The following RNF128 variants were observed in gnomAD, a reference collection of about 807,000 sequenced individuals.
The protein encoded by RNF128 is ring finger protein 128, also known as E3 ubiquitin-protein ligase RNF128.
A neutral mutation model predicts 26.2 loss-of-function variants in RNF128; 13 were observed. That is an observed-to-expected ratio of 0.50 (90% CI 0.32 to 0.79). The LOEUF (loss-of-function observed/expected upper bound fraction) is 0.79, where lower values mean the gene tolerates loss of function less well. Ranked by LOEUF, RNF128 falls within the 30% of genes least tolerant of loss-of-function variation. The probability of loss-of-function intolerance (pLI) is 0.03; values close to 1 mark genes in which losing one functional copy is unlikely to be tolerated. For synonymous variants in RNF128, 149 were observed against 142.5 expected (o/e 1.05, Z -0.32); for missense variants, 315 against 349.7 (o/e 0.90, Z 0.79).
chrX:106,764,283 T>G lies in RNF128; in HGVS notation c.485-8630T>G, dbSNP rs898075126. Among the ~76,000 whole-genome samples the G allele has an allele frequency of 1.2e-4, 13 of 110,841 alleles. No individual in the cohort carries two copies. In the Admixed American group the frequency reaches 1.2e-3, roughly 11 times the overall value. ...CCCGGCCTTGTTTTGTTTTTCAACC[T>G]TCATCTGACCACAATGGCCCATGTG... On this transcript the variant is annotated intron_variant, in intron 1 of 6. Coordinates refer to ENST00000255499, the MANE Select transcript of RNF128 (RefSeq NM_194463.2).
chrX:106,709,332 C>G (rs1366205463), intron 1 of RNF128, among the ~76,000 whole-genome samples: 2 of 111,171 alleles, frequency 1.8e-5, no homozygotes, highest in Non-Finnish European at 3.8e-5. Context: ...TGTCCACAGC[C>G]CATTAATCCT....
intron 1 of RNF128, among the ~76,000 whole-genome samples, chrX:106,703,733 G>A (rs1412764195): frequency 9.0e-6 from 1 of 111,175 alleles, no homozygotes; most frequent in Non-Finnish European, 1.9e-5. Flanking sequence ...AGTGTTGGAA[G>A]GGTCATCAAC....
At chrX:106,746,298 T>G (rs1364830472) in intron 1 of RNF128, among the ~76,000 whole-genome samples, 1 of 111,139 alleles carries the variant, frequency 9.0e-6, no homozygotes, top group Non-Finnish European at 1.9e-5. Flanking sequence ...ATTTTGTATT[T>G]CAATGCCAAG....
chrX:106,739,552 A>G (rs1471259311), intron 1 of RNF128, among the ~76,000 whole-genome samples: 1 of 112,131 alleles, frequency 8.9e-6, no homozygotes, highest in Non-Finnish European at 1.9e-5. Context: ...ATTCAATGTG[A>G]TGACAAATAT....
At chrX:106,795,157 C>T (rs1930892853) in intron 6 of RNF128, among the ~76,000 whole-genome samples, 1 of 111,603 alleles carries the variant, frequency 9.0e-6, no homozygotes, top group African/African-American at 3.2e-5. Flanking sequence ...TTTGGGCATC[C>T]TTCCAACTTC....
chrX:106,707,806 G>GA (rs775028949), intron 1 of RNF128, among the ~76,000 whole-genome samples: 1,211 of 104,910 alleles, frequency 0.012, 36 homozygotes, highest in Admixed American at 0.091. Context: ...ATGGTCCCAG[G>GA]AAAAAAAAAA....
chrX:106,760,562 A>G (rs966531986), intron 1 of RNF128, among the ~76,000 whole-genome samples: 1 of 112,067 alleles, frequency 8.9e-6, no homozygotes, highest in Non-Finnish European at 1.9e-5. Context: ...TAGTCCAGCC[A>G]TATTGGAAAA....
At chrX:106,711,698 T>C (rs934603270) in intron 1 of RNF128, among the ~76,000 whole-genome samples, 1 of 109,301 alleles carries the variant, frequency 9.1e-6, no homozygotes, top group Admixed American at 9.6e-5. Flanking sequence ...TTTTTCCATA[T>C]TTTTTAAATT....
chrX:106,775,295 A>C (rs1930447438), intron 2 of RNF128, among the ~76,000 whole-genome samples: 1 of 112,076 alleles, frequency 8.9e-6, no homozygotes, highest in South Asian at 3.7e-4. Context: ...TTTGGTTTGC[A>C]TATGTTCATG....
chrX:106,712,132 C>T (rs1001921564), intron 1 of RNF128, among the ~76,000 whole-genome samples: 6 of 112,175 alleles, frequency 5.3e-5, no homozygotes, highest in African/African-American at 1.9e-4. Context: ...TTCAGAGTCA[C>T]GTCTTTATAT....
chrX:106,700,755 C>T (rs1327967912), intron 1 of RNF128, among the ~76,000 whole-genome samples: 1 of 111,552 alleles, frequency 9.0e-6, no homozygotes, highest in Non-Finnish European at 1.9e-5. Context: ...TATATACGTA[C>T]AGAAAACACG....
At chrX:106,698,384 A>T (rs1038203475) in intron 1 of RNF128, among the ~76,000 whole-genome samples, 1 of 110,569 alleles carries the variant, frequency 9.0e-6, no homozygotes, top group Non-Finnish European at 1.9e-5. Flanking sequence ...AACTCAACCA[A>T]TTCCAGAGTA....
chrX:106,775,242 T>C (rs1437008099), intron 2 of RNF128, among the ~76,000 whole-genome samples: 2 of 112,239 alleles, frequency 1.8e-5, no homozygotes, highest in Admixed American at 1.9e-4. Context: ...TGGTGTCCAG[T>C]GTGACTAACT....
intron 1 of RNF128, among the ~76,000 whole-genome samples, chrX:106,753,412 A>G (rs1929938809): frequency 1.8e-5 from 2 of 111,663 alleles, no homozygotes; most frequent in Admixed American, 1.9e-4. Context: ...GCAATATAAG[A>G]TGTTATCTAT....
intron 1 of RNF128, among the ~76,000 whole-genome samples, chrX:106,701,925 A>G (rs1928964206): frequency 9.0e-6 from 1 of 111,669 alleles, no homozygotes; most frequent in Non-Finnish European, 1.9e-5. Flanking sequence ...TAAAAAATTG[A>G]CATGATTATG....
intron 1 of RNF128, among the ~76,000 whole-genome samples, chrX:106,716,623 A>G (rs187268396): frequency 1.8e-5 from 2 of 110,740 alleles, no homozygotes; most frequent in African/African-American, 6.6e-5. Context: ...TTAGGAAAAA[A>G]TCATACCAGC....
rs1243001925 is a variant in RNF128 at position 106,796,141 on chromosome X, A to G, written c.*428A>G. On this transcript the variant is annotated 3_prime_UTR_variant, in exon 7 of 7. Coordinates refer to ENST00000255499, the MANE Select transcript of RNF128 (RefSeq NM_194463.2). ...GGTTTTTCTCCAGGTGCTTATATTG[A>G]TCTGGAATTGTAATGTAAAAAGCAA... is the stretch of plus-strand genomic sequence containing the variant. The G allele has an allele frequency of 8.9e-6, 1 of 112,435 alleles. No individual in the cohort carries two copies. Among genetic ancestry groups the G allele is most frequent in the Admixed American group, 9.5e-5 (1 of 10,498 alleles). 9.3% of individuals were successfully genotyped at this position (112,435 alleles called of 1,213,427 possible). A position where few individuals can be genotyped will look rare whatever the true frequency, so the allele number is the denominator to read the frequency against.
intron 1 of RNF128, among the ~76,000 whole-genome samples, chrX:106,695,614 T>A (rs1490748010): frequency 8.9e-6 from 1 of 112,027 alleles, no homozygotes; most frequent in Non-Finnish European, 1.9e-5. Context: ...ACATTTTATA[T>A]TATTTTCTAG....
chrX:106,760,368 C>A (rs749181064), intron 1 of RNF128, among the ~76,000 whole-genome samples: 2 of 111,383 alleles, frequency 1.8e-5, no homozygotes, highest in Admixed American at 1.9e-4. Flanking sequence ...AAATAGCCAA[C>A]AGTTACATGA....
Sources: allele counts gnomAD v4.1 joint callset (sites outside exome capture counted in the v4.1 genomes callset), GRCh38; gene constraint gnomAD v4.1.1; transcripts MANE v1.5; gene names NCBI Gene and HGNC (gene_info 2026-07-23, HGNC 2026-07-21).